The following CUX1 variants were observed in gnomAD, a reference collection of about 807,000 sequenced individuals.
The protein encoded by CUX1 is cut like homeobox 1.
CUX1 carries 31 observed loss-of-function variants against 158.8 expected under a neutral mutation model. That is an observed-to-expected ratio of 0.20 (90% CI 0.15 to 0.26). The LOEUF (loss-of-function observed/expected upper bound fraction) is 0.26. Among genes scored for constraint, CUX1 ranks in the 10% least tolerant of loss-of-function variants. The pLI is 1.00. For synonymous variants in CUX1, 879 were observed against 862.1 expected (o/e 1.02, Z -0.34); for missense variants, 1,589 against 2,014.6 (o/e 0.79, Z 4.04).
chr7:102,060,584 TATATATATACACACACACAAATAA>T (rs1239671687), intron 3 of CUX1, among the ~76,000 whole-genome samples: 92 of 115,082 alleles, frequency 8.0e-4, no homozygotes, highest in Non-Finnish European at 1.3e-3. Context: ...TATATACATA[TATATATATACACACACACAAATAA>T]ACACACACAC....
chr7:102,057,262 G>A (rs1489856904), intron 3 of CUX1, among the ~76,000 whole-genome samples: 1 of 152,194 alleles, frequency 6.6e-6, no homozygotes, highest in African/African-American at 2.4e-5. Context: ...AAGAGCTCTG[G>A]TGGAGATGTA....
At chr7:102,272,750 G>A (rs1791308926) in intron 14 of CUX1, among the ~76,000 whole-genome samples, 1 of 152,236 alleles carries the variant, frequency 6.6e-6, no homozygotes, top group Admixed American at 6.5e-5. Flanking sequence ...GCACCTGGAG[G>A]AGGGAGAGAC....
At chr7:101,985,129 G>A (rs964685034) in intron 2 of CUX1, among the ~76,000 whole-genome samples, 3 of 152,134 alleles carry the variant, frequency 2.0e-5, no homozygotes, top group Non-Finnish European at 4.4e-5. Context: ...TATGTTGAAC[G>A]CTAGCTATAA....
At chr7:102,080,927 G>A (rs951162604) in intron 4 of CUX1, among the ~76,000 whole-genome samples, 2 of 152,290 alleles carry the variant, frequency 1.3e-5, no homozygotes, top group South Asian at 2.1e-4. Context: ...ATCCCACTGC[G>A]CACGCCAGAT....
intron 8 of CUX1, among the ~76,000 whole-genome samples, chr7:102,131,022 G>A (rs987994305): frequency 1.3e-5 from 2 of 150,342 alleles, no homozygotes; most frequent in African/African-American, 4.9e-5. Context: ...GGTGGTACAC[G>A]CCTGTAGTCC....
At chr7:102,241,486 C>T (rs1800204412) in intron 23 of CUX1, among the ~76,000 whole-genome samples, 1 of 152,160 alleles carries the variant, frequency 6.6e-6, no homozygotes, top group South Asian at 2.1e-4. Flanking sequence ...GCACATGACA[C>T]AGTCATGGGC....
chr7:102,175,897 A>G (rs971314895), intron 10 of CUX1, among the ~76,000 whole-genome samples: 10 of 152,252 alleles, frequency 6.6e-5, no homozygotes, highest in African/African-American at 1.7e-4. Flanking sequence ...CCGAATCGCT[A>G]TAAAAGTTTC....
intron 4 of CUX1, among the ~76,000 whole-genome samples, chr7:102,090,027 G>T (rs1324703172): frequency 1.3e-5 from 2 of 152,198 alleles, no homozygotes; most frequent in Admixed American, 6.5e-5. Context: ...AGTTGTTTAT[G>T]ACCAGAGCAC....
intron 2 of CUX1, among the ~76,000 whole-genome samples, chr7:101,970,595 G>T (rs1364890655): frequency 6.6e-6 from 1 of 151,860 alleles, no homozygotes; most frequent in African/African-American, 2.4e-5. Flanking sequence ...CCATTCAGTC[G>T]CCCAGGCTGG....
chr7:101,941,600 G>A (rs1002458233), intron 2 of CUX1, among the ~76,000 whole-genome samples: 1 of 152,204 alleles, frequency 6.6e-6, no homozygotes, highest in African/African-American at 2.4e-5. Context: ...TGGTTTGGCA[G>A]CTGCAGTTTG....
At position 102,250,735 on chromosome 7, in the gene CUX1, C is replaced by T. The variant is rs1801422005; in HGVS notation, c.*1693C>T. The T allele has an allele frequency of 1.0e-5, 10 of 985,406 alleles. No homozygotes were observed. The highest frequency in any genetic ancestry group is 1.2e-5 in the Non-Finnish European group (10 of 829,938). 61.0% of individuals were successfully genotyped at this position (985,406 alleles called of 1,614,324 possible). ...AAAGTCTAACTTGTCTCTGATTCCT[C>T]CCTTGTCTATGTGTATATGCGTGAG... On this transcript the variant is annotated 3_prime_UTR_variant, in exon 24 of 24. Coordinates refer to ENST00000292535, the MANE Select transcript of CUX1 (RefSeq NM_181552.4).
intron 8 of CUX1, among the ~76,000 whole-genome samples, chr7:102,152,076 A>G (rs1835752810): frequency 6.6e-6 from 1 of 152,054 alleles, no homozygotes; most frequent in African/African-American, 2.4e-5. Context: ...TAGGTGTGGC[A>G]GTGCATACCT....
At chr7:102,245,234 G>A (rs1392514652) in intron 23 of CUX1, among the ~76,000 whole-genome samples, 7 of 152,102 alleles carry the variant, frequency 4.6e-5, no homozygotes, top group African/African-American at 1.7e-4. Flanking sequence ...CTGTAGAGAT[G>A]GGGTTTTGCT....
At chr7:102,063,947 A>T (rs1038410882) in intron 3 of CUX1, among the ~76,000 whole-genome samples, 2 of 152,074 alleles carry the variant, frequency 1.3e-5, no homozygotes, top group Non-Finnish European at 2.9e-5. Flanking sequence ...TGGTGGTGGG[A>T]GGGGCCGCGG....
intron 11 of CUX1, among the ~76,000 whole-genome samples, chr7:102,179,966 T>C (rs909427997): frequency 1.3e-5 from 2 of 152,222 alleles, no homozygotes; most frequent in Non-Finnish European, 2.9e-5. Flanking sequence ...AAGGAAACCT[T>C]TTCTGGTATG....
chr7:102,132,886 G>A (rs868919065), intron 8 of CUX1, among the ~76,000 whole-genome samples: 1 of 151,846 alleles, frequency 6.6e-6, no homozygotes, highest in Non-Finnish European at 1.5e-5. Context: ...GGCCAGGCTG[G>A]TCGCAAACTC....
intron 4 of CUX1, among the ~76,000 whole-genome samples, chr7:102,087,079 A>G (rs1280523523): frequency 2.0e-5 from 3 of 152,240 alleles, no homozygotes; most frequent in South Asian, 2.1e-4. Flanking sequence ...TATCCATCCT[A>G]TCTGCCTCTT....
chr7:102,155,126 G>T (rs917754474), intron 8 of CUX1, among the ~76,000 whole-genome samples: 15 of 152,174 alleles, frequency 9.9e-5, no homozygotes, highest in African/African-American at 3.6e-4. Flanking sequence ...ACTTTTAGGG[G>T]TCTGAAACAC....
intron 20 of CUX1, among the ~76,000 whole-genome samples, chr7:102,205,887 C>G (rs1795898382): frequency 6.6e-6 from 1 of 152,162 alleles, no homozygotes; most frequent in South Asian, 2.1e-4. Context: ...CTGCGCCCCC[C>G]CGCCTCCCTT....
Sources: gnomAD v4.1 joint callset for allele counts (sites outside exome capture counted in the v4.1 genomes callset) on GRCh38, gnomAD v4.1.1 for gene constraint, MANE v1.5 for transcripts, NCBI Gene and HGNC (gene_info 2026-07-23, HGNC 2026-07-21) for gene names.